TRPS1: variants seen among roughly 807,000 people sequenced by gnomAD.
TRPS1 encodes transcriptional repressor GATA binding 1.
TRPS1 carries 6 observed loss-of-function variants against 101.2 expected under a neutral mutation model. The observed-to-expected ratio is 0.06, with a 90% confidence interval of 0.03 to 0.12. The LOEUF (loss-of-function observed/expected upper bound fraction) is 0.12. Ranked by LOEUF, TRPS1 falls within the 10% of genes least tolerant of loss-of-function variation. The pLI is 1.00. For missense variants in TRPS1, 1,363 were observed against 1,567.0 expected (o/e 0.87, Z 2.20); for synonymous variants, 578 against 589.8 (o/e 0.98, Z 0.29).
At chr8:115,416,655 AGG>A (rs1812928555) in intron 6 of TRPS1, among the ~76,000 whole-genome samples, 1 of 151,530 alleles carries the variant, frequency 6.6e-6, no homozygotes, top group Non-Finnish European at 1.5e-5. Context: ...CTTGAATGAA[AGG>A]GAGTACCTCT....
At chr8:115,636,968 T>A (rs1156639481) in intron 1 of TRPS1, among the ~76,000 whole-genome samples, 5 of 151,536 alleles carry the variant, frequency 3.3e-5, no homozygotes, top group Non-Finnish European at 2.9e-5. Flanking sequence ...AAGTAATCAG[T>A]AAGTACTAAA....
At chr8:115,625,847 G>A (rs750926721) in intron 1 of TRPS1, among the ~76,000 whole-genome samples, 6 of 151,756 alleles carry the variant, frequency 4.0e-5, no homozygotes, top group African/African-American at 9.7e-5. Flanking sequence ...ATCTTGTTGC[G>A]CATAATTTTT....
chr8:115,409,371 G>A lies in TRPS1; in HGVS notation c.*4652C>T, dbSNP rs992088166. 6.6e-6 allele frequency: 1 copy of A among 150,510 alleles called. No individual in the cohort carries two copies. The highest frequency in any genetic ancestry group is 2.4e-5 in the African/African-American group (1 of 40,968). 9.3% of individuals were successfully genotyped at this position (150,510 alleles called of 1,614,324 possible). On this transcript the variant is annotated 3_prime_UTR_variant, in exon 7 of 7. Transcript: ENST00000395715. Reference sequence around the variant, plus strand: ...AGCTAAACATTATTTCCACGGTAAAGTTATTCCTGCTTTTCTCCGGTGTAG... The same window carrying A: ...AGCTAAACATTATTTCCACGGTAAAATTATTCCTGCTTTTCTCCGGTGTAG...
chr8:115,621,757 A>T (rs1178641144), intron 2 of TRPS1, among the ~76,000 whole-genome samples: 4 of 152,016 alleles, frequency 2.6e-5, no homozygotes, highest in Non-Finnish European at 5.9e-5. Flanking sequence ...CTACAAAAAA[A>T]ATACAAAAAT....
At chr8:115,540,412 C>T (rs562782119) in intron 5 of TRPS1, among the ~76,000 whole-genome samples, 4 of 152,142 alleles carry the variant, frequency 2.6e-5, no homozygotes, top group South Asian at 2.1e-4. Flanking sequence ...CACAATAAAA[C>T]GAAATGAGTC....
intron 5 of TRPS1, among the ~76,000 whole-genome samples, chr8:115,477,832 T>C (rs1480327168): frequency 1.3e-5 from 2 of 152,118 alleles, no homozygotes; most frequent in African/African-American, 4.8e-5. Flanking sequence ...TTTCATCTCA[T>C]GTCAATAGCT....
intron 1 of TRPS1, among the ~76,000 whole-genome samples, chr8:115,632,829 C>T (rs2721952): frequency 0.63 from 95,547 of 151,906 alleles, 30,389 homozygotes; most frequent in East Asian, 0.84. Flanking sequence ...TCCTGGAGGA[C>T]GAAGAAAGAG....
intron 5 of TRPS1, among the ~76,000 whole-genome samples, chr8:115,439,849 T>A (rs1484055754): frequency 6.6e-6 from 1 of 152,192 alleles, no homozygotes; most frequent in African/African-American, 2.4e-5. Flanking sequence ...TGTCTCACTC[T>A]CTGATTAGAG....
chr8:115,491,037 T>G (rs1245563317), intron 5 of TRPS1, among the ~76,000 whole-genome samples: 1 of 152,154 alleles, frequency 6.6e-6, no homozygotes, highest in East Asian at 1.9e-4. Flanking sequence ...ATTCTTCAAT[T>G]TTGTACTCAG....
intron 1 of TRPS1, among the ~76,000 whole-genome samples, chr8:115,661,366 G>A (rs532890909): frequency 1.3e-5 from 2 of 152,068 alleles, no homozygotes; most frequent in East Asian, 1.9e-4. Context: ...ATCAAGATGT[G>A]TCTAAGTATT....
rs800897 is a variant in TRPS1, at chr8:115,409,708, A to C, written c.*4315T>G. 87,910 of 151,816 alleles carry C rather than the reference A, an allele frequency of 0.58. 26,844 individuals are homozygous for C. The highest frequency in any genetic ancestry group is 0.78 in the African/African-American group (32,493 of 41,434). 9.4% of individuals were successfully genotyped at this position (151,816 alleles called of 1,614,324 possible). ...GCCGTCTTTCTTTGGGAAAATAACAATGCCCTCCAAAGTCCCGACGGGCGT... is the reference window on the plus strand; with the variant it reads ...GCCGTCTTTCTTTGGGAAAATAACACTGCCCTCCAAAGTCCCGACGGGCGT... On this transcript the variant is annotated 3_prime_UTR_variant, in exon 7 of 7. Transcript: ENST00000395715.
chr8:115,587,510 C>G lies in TRPS1; in HGVS notation c.2191G>C (p.Glu731Gln), dbSNP rs1817592526. 1.2e-6 allele frequency: 2 copies of G among 1,614,006 alleles called. No homozygotes were observed. The highest frequency in any genetic ancestry group is 2.7e-5 in the African/African-American group (2 of 74,894). The change falls in exon 5 of 7, where the codon GAA becomes CAA. Residue 731 changes from glutamate (E) to glutamine (Q), a missense_variant. By Grantham distance (29) the Glu-to-Gln change is conservative (BLOSUM62 2). This residue lies in a region of TRPS1 where 1,020 missense variants were observed against 1,073.0 expected (regional missense o/e 0.95). Transcript: ENST00000395715. ...LEHFNTVHCQ[E>Q]QDITTANGEE... ...CCGTTGGCTGTAGTGATGTCCTGTT[C>G]CTGGCAGTGAACAGTGTTGAAGTGC...
At chr8:115,490,881 C>T (rs1190444293) in intron 5 of TRPS1, among the ~76,000 whole-genome samples, 1 of 152,164 alleles carries the variant, frequency 6.6e-6, no homozygotes, top group Non-Finnish European at 1.5e-5. Context: ...GAGATGACAG[C>T]TCTTTGAATA....
intron 1 of TRPS1, among the ~76,000 whole-genome samples, chr8:115,630,714 A>G (rs1274932941): frequency 6.6e-6 from 1 of 152,020 alleles, no homozygotes; most frequent in Non-Finnish European, 1.5e-5. Context: ...TTGGATGAAC[A>G]ATCCTTTAAG....
intron 5 of TRPS1, among the ~76,000 whole-genome samples, chr8:115,514,927 A>G (rs1815673361): frequency 6.6e-6 from 1 of 151,698 alleles, no homozygotes; most frequent in Non-Finnish European, 1.5e-5. Flanking sequence ...GTAGAAAAAA[A>G]GAATACATTT....
At chr8:115,643,535 C>T (rs1261229572) in intron 1 of TRPS1, among the ~76,000 whole-genome samples, 1 of 152,176 alleles carries the variant, frequency 6.6e-6, no homozygotes, top group Non-Finnish European at 1.5e-5. Flanking sequence ...CAGGAGATTG[C>T]AGCAATTCAG....
At chr8:115,524,782 A>T (rs2130242333) in intron 5 of TRPS1, among the ~76,000 whole-genome samples, 1 of 152,314 alleles carries the variant, frequency 6.6e-6, no homozygotes, top group African/African-American at 2.4e-5. Context: ...AAATCTAATG[A>T]TGTATGAATG....
intron 1 of TRPS1, among the ~76,000 whole-genome samples, chr8:115,642,239 A>T (rs1818916433): frequency 2.4e-5 from 2 of 82,106 alleles, no homozygotes; most frequent in African/African-American, 2.6e-4. Flanking sequence ...AAAGAAAAGA[A>T]ACCTGTGTGT....
chr8:115,634,599 C>T (rs936173012), intron 1 of TRPS1, among the ~76,000 whole-genome samples: 1 of 152,080 alleles, frequency 6.6e-6, no homozygotes, highest in Non-Finnish European at 1.5e-5. Context: ...GGTATTATCA[C>T]CATCTTCATA....
Sources: allele counts gnomAD v4.1 joint callset (sites outside exome capture counted in the v4.1 genomes callset), GRCh38; gene constraint gnomAD v4.1.1; regional missense constraint gnomAD v4.1.1; transcripts MANE v1.5; gene names NCBI Gene and HGNC (gene_info 2026-07-23, HGNC 2026-07-21).